Variants in GAREM1 observed in about 807,000 individuals in gnomAD.
The protein encoded by GAREM1 is GRB2 associated regulator of MAPK1 subtype 1.
GAREM1 carries 26 observed loss-of-function variants against 71.3 expected under a neutral mutation model. The ratio of observed to expected loss-of-function variants is 0.36; its 90% CI spans 0.27 to 0.51. The LOEUF (loss-of-function observed/expected upper bound fraction) is 0.51. Ranked by LOEUF, GAREM1 falls within the 20% of genes least tolerant of loss-of-function variation. The probability of loss-of-function intolerance (pLI) is 0.95; values close to 1 mark genes in which losing one functional copy is unlikely to be tolerated. For missense variants in GAREM1, 1,026 were observed against 1,103.1 expected, an observed-to-expected ratio of 0.93 and a Z score of 0.99; for synonymous variants, 440 against 433.2, an observed-to-expected ratio of 1.02 and a Z score of -0.20.
At chr18:32,295,963 C>CT (rs112464339) in intron 3 of GAREM1, among the ~76,000 whole-genome samples, 25,005 of 146,292 alleles carry the variant, frequency 0.17, 2,347 homozygotes, top group Middle Eastern at 0.24. Context: ...TTAGCTTTTT[C>CT]TTTTTTTTTT....
intron 1 of GAREM1, among the ~76,000 whole-genome samples, chr18:32,462,178 T>C (rs912405096): frequency 2.0e-4 from 31 of 152,258 alleles, no homozygotes; most frequent in African/African-American, 7.5e-4. Context: ...TTTGAATTTT[T>C]GGAGGAACCT....
chr18:32,295,683 TA>T (rs1406742203), intron 3 of GAREM1, among the ~76,000 whole-genome samples: 1 of 152,216 alleles, frequency 6.6e-6, no homozygotes, highest in Non-Finnish European at 1.5e-5. Flanking sequence ...AACAGTACTA[TA>T]AAAAACAAAC....
intron 1 of GAREM1, among the ~76,000 whole-genome samples, chr18:32,444,280 A>G (rs1323276087): frequency 6.6e-6 from 1 of 152,216 alleles, no homozygotes; most frequent in Non-Finnish European, 1.5e-5. Context: ...ATTATTCTTC[A>G]ATAAAACATG....
At chr18:32,285,078 T>C (rs1301381247) in intron 4 of GAREM1, among the ~76,000 whole-genome samples, 1 of 152,104 alleles carries the variant, frequency 6.6e-6, no homozygotes, top group Non-Finnish European at 1.5e-5. Flanking sequence ...CGGCTTTTGA[T>C]GAACATTCTT....
chr18:32,353,820 A>T (rs1318202371), intron 2 of GAREM1, among the ~76,000 whole-genome samples: 1 of 152,212 alleles, frequency 6.6e-6, no homozygotes, highest in Admixed American at 6.5e-5. Context: ...ATTGATAGAA[A>T]TCTGGGGAAG....
At chr18:32,354,170 A>G (rs1372916462) in intron 2 of GAREM1, among the ~76,000 whole-genome samples, 2 of 152,218 alleles carry the variant, frequency 1.3e-5, no homozygotes, top group Non-Finnish European at 2.9e-5. Flanking sequence ...TTTATATTTT[A>G]TATCATACGC....
At chr18:32,337,738 A>G (rs1243032259) in intron 2 of GAREM1, among the ~76,000 whole-genome samples, 4 of 152,204 alleles carry the variant, frequency 2.6e-5, no homozygotes, top group Non-Finnish European at 5.9e-5. Context: ...AGGATATCTC[A>G]GTAAGACCTT....
At chr18:32,366,006 C>T (rs996218836) in intron 2 of GAREM1, among the ~76,000 whole-genome samples, 1 of 152,126 alleles carries the variant, frequency 6.6e-6, no homozygotes, top group African/African-American at 2.4e-5. Flanking sequence ...TCCTGTTTAT[C>T]AGTTCAGTTC....
At chr18:32,273,280 A>T (rs2041489338) in intron 4 of GAREM1, among the ~76,000 whole-genome samples, 1 of 152,234 alleles carries the variant, frequency 6.6e-6, no homozygotes, top group South Asian at 2.1e-4. Flanking sequence ...TTTCATTAGG[A>T]AACACTTACC....
intron 4 of GAREM1, among the ~76,000 whole-genome samples, chr18:32,270,659 G>GTTT (rs1357480111): frequency 6.6e-6 from 1 of 152,138 alleles, no homozygotes; most frequent in African/African-American, 2.4e-5. Flanking sequence ...AAAGTAATAT[G>GTTT]AAATACGGCA....
chr18:32,443,250 G>A (rs2048756773), intron 1 of GAREM1, among the ~76,000 whole-genome samples: 1 of 152,108 alleles, frequency 6.6e-6, no homozygotes, highest in African/African-American at 2.4e-5. Flanking sequence ...TTTCTTATGT[G>A]TAAAATCAAA....
intron 2 of GAREM1, among the ~76,000 whole-genome samples, chr18:32,388,177 C>T (rs1057402560): frequency 2.6e-5 from 4 of 152,068 alleles, no homozygotes. Context: ...GAAACAAGGA[C>T]AGCAATATAT....
At chr18:32,446,223 A>T (rs1006222091) in intron 1 of GAREM1, among the ~76,000 whole-genome samples, 1 of 143,344 alleles carries the variant, frequency 7.0e-6, no homozygotes, top group African/African-American at 2.6e-5. Flanking sequence ...AGTTCCCCAT[A>T]GTGTGTGTGT....
At chr18:32,401,743 GA>G (rs1206496644) in intron 1 of GAREM1, among the ~76,000 whole-genome samples, 2 of 152,164 alleles carry the variant, frequency 1.3e-5, no homozygotes, top group Middle Eastern at 3.4e-3. Context: ...CCATTCGGGG[GA>G]AAAAAATGTT....
At chr18:32,337,177 T>C (rs761629272) in intron 2 of GAREM1, among the ~76,000 whole-genome samples, 22 of 152,200 alleles carry the variant, frequency 1.4e-4, no homozygotes, top group Non-Finnish European at 2.4e-4. Context: ...GGGAAATCAA[T>C]TCCTGGAAAA....
At chr18:32,469,087 A>G (rs957632162) in intron 1 of GAREM1, among the ~76,000 whole-genome samples, 1 of 152,014 alleles carries the variant, frequency 6.6e-6, no homozygotes, top group African/African-American at 2.4e-5. Flanking sequence ...GAGGATAGCA[A>G]GCAAGCCAAG....
intron 2 of GAREM1, among the ~76,000 whole-genome samples, chr18:32,324,829 G>T (rs1212893619): frequency 4.6e-5 from 7 of 152,216 alleles, no homozygotes; most frequent in African/African-American, 1.4e-4. Flanking sequence ...CTAAGTGAAA[G>T]ATGCCAATCT....
chr18:32,270,460 G>T, intron 4 of GAREM1, 77 bp from the exon 5 acceptor site: 1 of 1,284,742 alleles, frequency 7.8e-7, no homozygotes, highest in Non-Finnish European at 1.1e-6. Flanking sequence ...CTGAAGACTT[G>T]CTCAAGTCAC....
intron 2 of GAREM1, among the ~76,000 whole-genome samples, chr18:32,366,050 A>C (rs1374749802): frequency 6.6e-6 from 1 of 152,054 alleles, no homozygotes; most frequent in Non-Finnish European, 1.5e-5. Flanking sequence ...AACTGTTAGC[A>C]CCAGTAGTTT....
Sources: allele counts gnomAD v4.1 joint callset (sites outside exome capture counted in the v4.1 genomes callset), GRCh38; gene constraint gnomAD v4.1.1; transcripts MANE v1.5; gene names NCBI Gene and HGNC (gene_info 2026-07-23, HGNC 2026-07-21).